The following WWOX variants were observed in gnomAD, a reference collection of about 807,000 sequenced individuals.
WWOX encodes the protein WW domain containing oxidoreductase, also known as WW domain-containing oxidoreductase.
Under a neutral mutation model 46.2 loss-of-function variants are expected in WWOX, and 69 were observed. That is an observed-to-expected ratio of 1.49 (90% CI 1.23 to 1.82). WWOX has a LOEUF of 1.82. Ranked by LOEUF, WWOX falls within the 40% of genes most tolerant of loss-of-function variation. WWOX has a pLI of 0.00. For synonymous variants in WWOX, 359 were observed against 202.6 expected (o/e 1.77, Z -6.56); for missense variants, 919 against 542.6 (o/e 1.69, Z -6.89).
intron 5 of WWOX, among the ~76,000 whole-genome samples, chr16:78,266,569 G>T (rs2079367244): frequency 6.6e-6 from 1 of 152,134 alleles, no homozygotes; most frequent in African/African-American, 2.4e-5. Flanking sequence ...GAACTAGCCT[G>T]CTTGAGTCTA....
At chr16:78,798,953 G>C (rs1000064252) in intron 8 of WWOX, among the ~76,000 whole-genome samples, 1 of 152,154 alleles carries the variant, frequency 6.6e-6, no homozygotes, top group Non-Finnish European at 1.5e-5. Flanking sequence ...GTTGGGGCCG[G>C]TGGTGCCTTT....
chr16:79,117,715 C>T (rs2049545434), intron 8 of WWOX, among the ~76,000 whole-genome samples: 2 of 152,244 alleles, frequency 1.3e-5, no homozygotes, highest in South Asian at 4.1e-4. Flanking sequence ...GCAGCTTCTG[C>T]ATCAGCACTT....
intron 8 of WWOX, among the ~76,000 whole-genome samples, chr16:78,917,898 A>C (rs1398003621): frequency 6.6e-6 from 1 of 152,180 alleles, no homozygotes; most frequent in African/African-American, 2.4e-5. Context: ...AAACAAAAAA[A>C]AGTTTAAGAA....
intron 8 of WWOX, among the ~76,000 whole-genome samples, chr16:78,460,731 A>C (rs187469400): frequency 1.3e-5 from 2 of 152,202 alleles, no homozygotes; most frequent in Non-Finnish European, 2.9e-5. Flanking sequence ...CATTCGATCC[A>C]CGTGGCATAG....
chr16:78,734,637 A>G (rs62036142), intron 8 of WWOX, among the ~76,000 whole-genome samples: 26,344 of 151,696 alleles, frequency 0.17, 2,580 homozygotes, highest in African/African-American at 0.25. Context: ...GGGTGCCCAC[A>G]TGTTTGGTCA....
chr16:78,740,092 T>A (rs1328436056), intron 8 of WWOX, among the ~76,000 whole-genome samples: 1 of 152,100 alleles, frequency 6.6e-6, no homozygotes, highest in Admixed American at 6.5e-5. Flanking sequence ...CCTGCTTTGG[T>A]CCCTTCTCTG....
intron 5 of WWOX, among the ~76,000 whole-genome samples, chr16:78,191,918 A>G (rs537766042): frequency 7.2e-5 from 11 of 152,362 alleles, no homozygotes; most frequent in East Asian, 3.9e-4. Context: ...TTTTCATTAC[A>G]TTGAAAGTAT....
intron 8 of WWOX, among the ~76,000 whole-genome samples, chr16:78,999,872 A>C (rs1281048935): frequency 6.6e-6 from 1 of 152,216 alleles, no homozygotes; most frequent in Admixed American, 6.5e-5. Flanking sequence ...AACTTTATAA[A>C]AAATTAAAAA....
chr16:78,281,641 G>C (rs1241177994), intron 5 of WWOX, among the ~76,000 whole-genome samples: 1 of 152,134 alleles, frequency 6.6e-6, no homozygotes, highest in Admixed American at 6.5e-5. Flanking sequence ...AAAGGAGCAG[G>C]CATGGCTGCG....
At chr16:78,863,918 G>A (rs1408631486) in intron 8 of WWOX, among the ~76,000 whole-genome samples, 1 of 152,188 alleles carries the variant, frequency 6.6e-6, no homozygotes, top group African/African-American at 2.4e-5. Flanking sequence ...AGCCACAGTT[G>A]TAGCATGTCC....
intron 8 of WWOX, among the ~76,000 whole-genome samples, chr16:78,528,944 T>TTTTC (rs759303394): frequency 7.3e-5 from 10 of 137,610 alleles, no homozygotes; most frequent in East Asian, 2.3e-4. Context: ...TTTTCTTTTC[T>TTTTC]TTTCTTTCTT....
At chr16:78,969,489 T>G (rs1056318999) in intron 8 of WWOX, among the ~76,000 whole-genome samples, 5 of 152,128 alleles carry the variant, frequency 3.3e-5, no homozygotes, top group Non-Finnish European at 1.5e-5. Flanking sequence ...CAGGCTGGTC[T>G]CAAACTCCTG....
chr16:79,094,974 G>A (rs1006945354), intron 8 of WWOX, among the ~76,000 whole-genome samples: 4 of 152,030 alleles, frequency 2.6e-5, no homozygotes, highest in African/African-American at 7.2e-5. Flanking sequence ...TGAATTCTTC[G>A]GGCACACAGG....
At chr16:78,258,944 GCAAA>G (rs2038205682) in intron 5 of WWOX, among the ~76,000 whole-genome samples, 1 of 152,118 alleles carries the variant, frequency 6.6e-6, no homozygotes, top group Non-Finnish European at 1.5e-5. Context: ...TGTTTGGCCT[GCAAA>G]CAGTGTTACT....
intron 8 of WWOX, among the ~76,000 whole-genome samples, chr16:78,527,789 G>A (rs1160796775): frequency 6.6e-6 from 1 of 151,246 alleles, no homozygotes. Flanking sequence ...GGAGACATCT[G>A]GGGTTGTCAG....
At chr16:78,768,914 A>G (rs2049992962) in intron 8 of WWOX, among the ~76,000 whole-genome samples, 1 of 152,142 alleles carries the variant, frequency 6.6e-6, no homozygotes, top group African/African-American at 2.4e-5. Context: ...ACGCTGCGCC[A>G]TGGTGTAGGG....
intron 8 of WWOX, among the ~76,000 whole-genome samples, chr16:78,960,048 G>C (rs539820706): frequency 6.6e-6 from 1 of 152,156 alleles, no homozygotes; most frequent in Non-Finnish European, 1.5e-5. Flanking sequence ...GTGGGTATTG[G>C]TGCATGGTGG....
At chr16:79,031,010 C>G (rs900275846) in intron 8 of WWOX, among the ~76,000 whole-genome samples, 1 of 149,870 alleles carries the variant, frequency 6.7e-6, no homozygotes, top group African/African-American at 2.5e-5. Flanking sequence ...GAGAATCACC[C>G]GAGGCTGGGG....
At chr16:78,390,387 G>A (rs114840452) in intron 6 of WWOX, among the ~76,000 whole-genome samples, 1,948 of 152,250 alleles carry the variant, frequency 0.013, 40 homozygotes, top group African/African-American at 0.044. Flanking sequence ...AAACCTTGGA[G>A]GAAACTCTCA....
Sources: allele counts gnomAD v4.1 joint callset (sites outside exome capture counted in the v4.1 genomes callset), GRCh38; gene constraint gnomAD v4.1.1; transcripts MANE v1.5; gene names NCBI Gene and HGNC (gene_info 2026-07-23, HGNC 2026-07-21).